The following ASTN2 variants were observed in gnomAD, a reference collection of about 807,000 sequenced individuals.
ASTN2 encodes astrotactin-2.
In ASTN2, 54 loss-of-function variants were observed where a neutral mutation model predicts 139.8. The observed-to-expected ratio is 0.39, with a 90% CI of 0.31 to 0.48. ASTN2 has a LOEUF of 0.48. Ranked by LOEUF, ASTN2 falls within the 20% of genes least tolerant of loss-of-function variation. The pLI is 0.95. For missense variants in ASTN2, 1,565 were observed against 1,725.1 expected, an observed-to-expected ratio of 0.91 and a Z score of 1.64; for synonymous variants, 756 against 719.5, an observed-to-expected ratio of 1.05 and a Z score of -0.81.
At position 116,668,492 on chromosome 9, in the gene ASTN2, G is replaced by A. The variant is rs185904938; in HGVS notation, c.2807-16699C>T. Among the ~76,000 whole-genome samples the A allele has an allele frequency of 1.4e-4, 22 of 152,188 alleles. No homozygotes were observed. The East Asian group carries it at 2.9e-3, about 20-fold the overall frequency. On this transcript the variant is annotated intron_variant, in intron 16 of 22. Coordinates refer to ENST00000313400, the MANE Select transcript of ASTN2 (RefSeq NM_001365068.1). ...TAGGCATAAGCCACCATGCCCGGCC[G>A]CCTTCTTTTACTTACTAATATGCAT...
intron 2 of ASTN2, among the ~76,000 whole-genome samples, chr9:117,222,630 A>G (rs2133039782): frequency 6.6e-6 from 1 of 152,122 alleles, no homozygotes; most frequent in South Asian, 2.1e-4. Context: ...CTTATTCCTC[A>G]CCCTTATGTC....
intron 16 of ASTN2, chr9:116,697,296 C>A (rs1860911747): frequency 4.9e-6 from 1 of 204,256 alleles, no homozygotes; most frequent in Non-Finnish European, 1.0e-5. Flanking sequence ...CTATACTAAG[C>A]ACATCATATT....
At position 117,291,377 on chromosome 9, in the gene ASTN2, C is replaced by T; in HGVS notation, c.579G>A (p.Glu193=). 6.2e-7 allele frequency: 1 copy of T among 1,614,206 alleles called. No homozygotes were observed. The highest frequency in any genetic ancestry group is 8.5e-7 in the Non-Finnish European group (1 of 1,180,024). Residue 193 remains glutamate (E), a synonymous_variant, in exon 2 of 23, where the codon GAG becomes GAA. Coordinates refer to ENST00000313400, the MANE Select transcript of ASTN2 (RefSeq NM_001365068.1). ...TCTGCTCCTCAACAATCTCCGAGGG[C>T]TCCTGGAGAGTGGGGGCGGTGGCTT... ...LAQATAPTLQ[E]PSEIVEEQMH... is the part of the protein sequence containing the mutation.
At chr9:116,469,769 T>G (rs1217884231) in intron 20 of ASTN2, among the ~76,000 whole-genome samples, 4 of 152,222 alleles carry the variant, frequency 2.6e-5, no homozygotes, top group African/African-American at 9.6e-5. Flanking sequence ...ACAAACACTA[T>G]ACCCCATAAA....
chr9:117,155,346 C>T (rs1175614224), intron 3 of ASTN2, among the ~76,000 whole-genome samples: 1 of 152,012 alleles, frequency 6.6e-6, no homozygotes, highest in Admixed American at 6.6e-5. Flanking sequence ...CAAATTCCTT[C>T]TCTGATGTTT....
chr9:116,839,582 C>G (rs535760295), intron 11 of ASTN2, among the ~76,000 whole-genome samples: 1 of 151,906 alleles, frequency 6.6e-6, no homozygotes, highest in African/African-American at 2.4e-5. Flanking sequence ...CAGGTTTAAG[C>G]GATTCTTATG....
chr9:116,566,690 G>T (rs1030988536), intron 19 of ASTN2, among the ~76,000 whole-genome samples: 1 of 152,124 alleles, frequency 6.6e-6, no homozygotes, highest in Non-Finnish European at 1.5e-5. Context: ...TTTTAACCCT[G>T]CATCTGCACT....
intron 4 of ASTN2, among the ~76,000 whole-genome samples, chr9:117,103,486 T>C (rs13297784): frequency 0.11 from 16,597 of 152,164 alleles, 1,116 homozygotes; most frequent in Non-Finnish European, 0.16. Flanking sequence ...TGGAAAAGTA[T>C]GGAGCAAGAT....
intron 1 of ASTN2, among the ~76,000 whole-genome samples, chr9:117,392,662 T>C (rs1385977899): frequency 6.6e-6 from 1 of 152,224 alleles, no homozygotes; most frequent in African/African-American, 2.4e-5. Flanking sequence ...ATGCTTTTCA[T>C]TGTCAGTTAC....
chr9:116,834,337 T>C (rs1268483630), intron 11 of ASTN2, among the ~76,000 whole-genome samples: 2 of 152,224 alleles, frequency 1.3e-5, no homozygotes, highest in African/African-American at 4.8e-5. Context: ...TGAGTCCTTC[T>C]ATATTGTTGC....
chr9:117,300,366 C>G (rs535218254), intron 1 of ASTN2, among the ~76,000 whole-genome samples: 1 of 152,318 alleles, frequency 6.6e-6, no homozygotes, highest in Non-Finnish European at 1.5e-5. Flanking sequence ...TAGGACATTA[C>G]AGTCTTCATT....
intron 5 of ASTN2, among the ~76,000 whole-genome samples, chr9:117,086,735 T>C (rs1440803777): frequency 6.6e-6 from 1 of 152,126 alleles, no homozygotes; most frequent in Non-Finnish European, 1.5e-5. Flanking sequence ...TGTACCCATG[T>C]CCAGGCCCTG....
intron 1 of ASTN2, among the ~76,000 whole-genome samples, chr9:117,308,882 G>C (rs1287192218): frequency 6.6e-6 from 1 of 152,170 alleles, no homozygotes; most frequent in Non-Finnish European, 1.5e-5. Flanking sequence ...TCCTAGACTA[G>C]TGCGGCTAAT....
At chr9:117,291,609 ATCCATTTTTTGC>A in intron 1 of ASTN2, 96 bp from the exon 2 acceptor site, 9 of 1,194,644 alleles carry the variant, frequency 7.5e-6, no homozygotes. Flanking sequence ...CTCAGAAGGC[ATCCATTTTTTGC>A]CAGGATACCT....
chr9:116,686,591 T>TA, intron 16 of ASTN2: 1 of 1,162,036 alleles, frequency 8.6e-7, no homozygotes, highest in Non-Finnish European at 1.2e-6. Flanking sequence ...GCCAGATGCC[T>TA]AGTGCCCCAG....
At chr9:116,450,175 C>G (rs945790361) in intron 20 of ASTN2, among the ~76,000 whole-genome samples, 1 of 152,200 alleles carries the variant, frequency 6.6e-6, no homozygotes, top group East Asian at 1.9e-4. Context: ...ATAAATAAAT[C>G]TTTTACAACC....
intron 19 of ASTN2, among the ~76,000 whole-genome samples, chr9:116,561,757 ACTGACCTGC>A (rs544527968): frequency 6.4e-4 from 98 of 152,364 alleles, no homozygotes; most frequent in African/African-American, 2.3e-3. Context: ...TACAGCATGA[ACTGACCTGC>A]CAAACTTTTA....
chr9:116,466,539 C>T (rs1848651964), intron 20 of ASTN2, among the ~76,000 whole-genome samples: 1 of 152,178 alleles, frequency 6.6e-6, no homozygotes, highest in Non-Finnish European at 1.5e-5. Flanking sequence ...TTGGTTGCTG[C>T]CTCCAAGTAG....
intron 19 of ASTN2, among the ~76,000 whole-genome samples, chr9:116,556,750 T>C (rs1252753175): frequency 6.6e-6 from 1 of 152,156 alleles, no homozygotes; most frequent in African/African-American, 2.4e-5. Flanking sequence ...CAAATATAAA[T>C]CTATGACCAG....
Sources: allele counts gnomAD v4.1 joint callset (sites outside exome capture counted in the v4.1 genomes callset), GRCh38; gene constraint gnomAD v4.1.1; transcripts MANE v1.5; gene names NCBI Gene and HGNC (gene_info 2026-07-23, HGNC 2026-07-21).